The following LRP2 variants were observed in gnomAD, a reference collection of about 807,000 sequenced individuals.
LRP2 encodes LDL receptor related protein 2.
Under a neutral mutation model 531.0 loss-of-function variants are expected in LRP2, and 172 were observed. The observed-to-expected ratio is 0.32, with a 90% CI of 0.29 to 0.37. The LOEUF is 0.37. Ranked by LOEUF, LRP2 falls within the 10% of genes least tolerant of loss-of-function variation. The pLI is 1.00. For synonymous variants in LRP2, 1,992 were observed against 2,027.6 expected, an observed-to-expected ratio of 0.98 and a Z score of 0.47; for missense variants, 5,167 against 5,868.3, an observed-to-expected ratio of 0.88 and a Z score of 3.90.
chr2:169,277,068 C>G (rs1303016766), intron 13 of LRP2, among the ~76,000 whole-genome samples: 1 of 151,586 alleles, frequency 6.6e-6, no homozygotes, highest in Non-Finnish European at 1.5e-5. Context: ...GTGGTGTATG[C>G]TTGTAATCCT....
rs1685604977 is a variant in LRP2, at chr2:169,138,661, G to A, written c.13434C>T (p.Thr4478=). 1 of 1,613,846 alleles carries A rather than the reference G, an allele frequency of 6.2e-7. No individual in the cohort carries two copies. Among genetic ancestry groups the A allele is most frequent in the African/African-American group, 1.3e-5 (1 of 74,898 alleles). The change falls in exon 75 of 79, where the codon ACC becomes ACT. Residue 4478 remains threonine, a synonymous_variant. Transcript: ENST00000649046. ...VKPSENGNGV[T]FRSGADLNMD... ...TGTTAAGATCTGCCCCTGATCTGAA[G>A]GTCACCCCATTCCCATTTTCAGAGG...
chr2:169,308,220 C>G (rs1171339369), intron 3 of LRP2, among the ~76,000 whole-genome samples: 1 of 151,620 alleles, frequency 6.6e-6, no homozygotes, highest in African/African-American at 2.4e-5. Flanking sequence ...TTTTATAATT[C>G]CTTTTTTATT....
chr2:169,208,962 C>A (rs1688500347), intron 38 of LRP2, among the ~76,000 whole-genome samples: 1 of 151,932 alleles, frequency 6.6e-6, no homozygotes, highest in African/African-American at 2.4e-5. Flanking sequence ...CTGGACCAGG[C>A]ATTTAAAAAA....
At chr2:169,292,130 A>G in intron 7 of LRP2, 123 bp downstream of exon 7, 2 of 795,982 alleles carry the variant, frequency 2.5e-6, no homozygotes, top group Non-Finnish European at 4.4e-6. Flanking sequence ...CAACCCCTTC[A>G]ACTCCAGCCA....
intron 7 of LRP2, 41 bp downstream of exon 7, chr2:169,292,212 G>T: frequency 2.1e-6 from 3 of 1,405,626 alleles, no homozygotes; most frequent in Non-Finnish European, 3.0e-6. Context: ...GAAAACACTT[G>T]AAGAAAATGC....
chr2:169,318,205 C>T (rs1684817829), intron 3 of LRP2, among the ~76,000 whole-genome samples: 1 of 151,870 alleles, frequency 6.6e-6, no homozygotes, highest in African/African-American at 2.4e-5. Flanking sequence ...AACCAAACCC[C>T]CTCAATGTCC....
intron 47 of LRP2, among the ~76,000 whole-genome samples, chr2:169,193,440 A>AG (rs1553493105): frequency 1.6e-4 from 24 of 150,728 alleles, no homozygotes; most frequent in African/African-American, 5.8e-4. Flanking sequence ...AAAAAAAAAA[A>AG]AAAGAAAGAA....
At position 169,247,358 on chromosome 2, in the gene LRP2, A is replaced by G. The variant is rs1240024415; in HGVS notation, c.2908+20T>C. 6.2e-7 allele frequency: 1 copy of G among 1,613,822 alleles called. No individual in the cohort carries two copies. Among genetic ancestry groups the G allele is most frequent in the Non-Finnish European group, 8.5e-7 (1 of 1,179,964 alleles). On this transcript the variant is annotated intron_variant, in intron 20 of 78. Transcript: ENST00000649046. ...TAAACCCATACAAAAAAATAAAAAAAACTGGGCAATCTCACTCACCAGTCT... is the reference window on the plus strand; with the variant it reads ...TAAACCCATACAAAAAAATAAAAAAGACTGGGCAATCTCACTCACCAGTCT...
intron 1 of LRP2, among the ~76,000 whole-genome samples, chr2:169,323,801 T>C (rs1684967427): frequency 6.6e-6 from 1 of 151,596 alleles, no homozygotes; most frequent in African/African-American, 2.4e-5. Flanking sequence ...TAATCATTTA[T>C]GTAACTTTAA....
Position 169,225,298 on chromosome 2 carries a change from T to C in LRP2, c.5538+12A>G, listed in dbSNP as rs778652519. 11 of 1,612,686 alleles carry C rather than the reference T, an allele frequency of 6.8e-6. No individual in the cohort carries two copies. The Admixed American group carries it at 1.3e-4, about 20-fold the overall frequency. On this transcript the variant is annotated intron_variant, in intron 33 of 78. Transcript: ENST00000649046. ...TCCAATGTTTGTGTAAGTAGTATTA[T>C]GGAATCATTACCTCGATTGACTGAG...
chr2:169,336,882 G>C (rs1247656496), intron 1 of LRP2, among the ~76,000 whole-genome samples: 2 of 152,196 alleles, frequency 1.3e-5, no homozygotes, highest in African/African-American at 4.8e-5. Flanking sequence ...TCCCTGGGAA[G>C]AGTTATGTTC....
chr2:169,263,485 A>G (rs1486148858), intron 16 of LRP2, among the ~76,000 whole-genome samples: 5 of 151,446 alleles, frequency 3.3e-5, no homozygotes, highest in African/African-American at 1.2e-4. Context: ...GCCAAAAAAC[A>G]CATGAAAAAA....
chr2:169,201,532 T>C, intron 44 of LRP2, 96 bp downstream of exon 44: 5 of 1,546,996 alleles, frequency 3.2e-6, no homozygotes, highest in Non-Finnish European at 4.4e-6. Context: ...TTAGGGTTTT[T>C]ATTTTTGGAA....
intron 44 of LRP2, 22 bp downstream of exon 44, chr2:169,201,606 T>C (rs749382215): frequency 1.2e-6 from 2 of 1,614,102 alleles, no homozygotes; most frequent in Non-Finnish European, 1.7e-6. Flanking sequence ...AAAATCACAA[T>C]AAGCACTTAA....
intron 35 of LRP2, among the ~76,000 whole-genome samples, chr2:169,215,607 T>C (rs559995081): frequency 1.3e-5 from 2 of 151,130 alleles, no homozygotes; most frequent in Non-Finnish European, 3.0e-5. Context: ...CATACATACA[T>C]ACACACACAC....
At chr2:169,220,085 C>G (rs527650480) in intron 34 of LRP2, among the ~76,000 whole-genome samples, 1 of 152,160 alleles carries the variant, frequency 6.6e-6, no homozygotes, top group African/African-American at 2.4e-5. Flanking sequence ...TACTAGAAGG[C>G]TTCTCATCCT....
At chr2:169,171,979 G>T in intron 58 of LRP2, 36 bp downstream of exon 58, 1 of 1,613,192 alleles carries the variant, frequency 6.2e-7, no homozygotes, top group South Asian at 1.1e-5. Flanking sequence ...CACAGCTCTG[G>T]TGGTATATAA....
At chr2:169,144,208 G>A (rs1240105064) in intron 70 of LRP2, among the ~76,000 whole-genome samples, 1 of 152,176 alleles carries the variant, frequency 6.6e-6, no homozygotes, top group Admixed American at 6.5e-5. Flanking sequence ...CGTCACAGGA[G>A]AACTAGAAAT....
chr2:169,283,023 T>G (rs1683748188), intron 9 of LRP2, 22 bp from the exon 10 acceptor site: 1 of 1,613,460 alleles, frequency 6.2e-7, no homozygotes, highest in East Asian at 2.2e-5. Context: ...AAAATACACA[T>G]TTGTAGTCAA....
Sources: allele counts gnomAD v4.1 joint callset (sites outside exome capture counted in the v4.1 genomes callset), GRCh38; gene constraint gnomAD v4.1.1; transcripts MANE v1.5; gene names NCBI Gene and HGNC (gene_info 2026-07-23, HGNC 2026-07-21).